Variants in HIVEP3 observed in about 807,000 individuals in gnomAD.
HIVEP3 encodes transcription factor HIVEP3.
In HIVEP3, 49 loss-of-function variants were observed where a neutral mutation model predicts 152.8. That is an observed-to-expected ratio of 0.32 (90% CI 0.26 to 0.41). The LOEUF is 0.41. Among genes scored for constraint, HIVEP3 ranks in the 10% least tolerant of loss-of-function variants. The pLI is 1.00. For synonymous variants in HIVEP3, 1,269 were observed against 1,289.0 expected, an observed-to-expected ratio of 0.98 and a Z score of 0.33; for missense variants, 2,790 against 3,103.3, an observed-to-expected ratio of 0.90 and a Z score of 2.40.
intron 4 of HIVEP3, 96 bp downstream of exon 4, chr1:41,579,641 A>T: frequency 7.1e-7 from 1 of 1,400,544 alleles, no homozygotes; most frequent in Non-Finnish European, 9.7e-7. Flanking sequence ...GTCTGGCTCT[A>T]GTTCTGCAAC....
chr1:42,031,228 C>T (rs1202252486), intron 1 of HIVEP3, among the ~76,000 whole-genome samples: 1 of 152,188 alleles, frequency 6.6e-6, no homozygotes, highest in South Asian at 2.1e-4. Context: ...CCTCCTACAA[C>T]GTCCTCTACT....
intron 1 of HIVEP3, among the ~76,000 whole-genome samples, chr1:41,970,141 AG>A (rs1645221035): frequency 6.6e-6 from 1 of 152,234 alleles, no homozygotes; most frequent in African/African-American, 2.4e-5. Context: ...GATTCCTCAA[AG>A]ATCTAGAACC....
intron 1 of HIVEP3, among the ~76,000 whole-genome samples, chr1:41,931,504 T>A (rs1226366464): frequency 6.6e-6 from 1 of 152,090 alleles, no homozygotes; most frequent in Non-Finnish European, 1.5e-5. Flanking sequence ...TATAACTTTG[T>A]AACAAGTCTC....
At chr1:41,903,272 A>G (rs1395563189) in intron 1 of HIVEP3, among the ~76,000 whole-genome samples, 3 of 152,234 alleles carry the variant, frequency 2.0e-5, no homozygotes, top group Non-Finnish European at 2.9e-5. Context: ...TGGAGGTCAC[A>G]TAGGATGATG....
At chr1:41,909,523 A>T (rs1644764472) in intron 1 of HIVEP3, among the ~76,000 whole-genome samples, 1 of 152,164 alleles carries the variant, frequency 6.6e-6, no homozygotes, top group African/African-American at 2.4e-5. Flanking sequence ...AAAATCTACG[A>T]TCATAGTGGG....
intron 2 of HIVEP3, among the ~76,000 whole-genome samples, chr1:41,686,683 T>C (rs1646120997): frequency 6.6e-6 from 1 of 152,150 alleles, no homozygotes; most frequent in African/African-American, 2.4e-5. Flanking sequence ...GTATCAAGCC[T>C]TCTGGGGGTG....
rs530891853 is a variant in HIVEP3 at position 41,709,462 on chromosome 1, C to G, written c.-800-8467G>C. On this transcript the variant is annotated intron_variant, in intron 1 of 8. Transcript: ENST00000372583. ...TGGTGGATCCAAGCAGGGCCATTCACGGGTGGGACAGAGGCAGCCTCCAGG... is the reference window on the plus strand; with the variant it reads ...TGGTGGATCCAAGCAGGGCCATTCAGGGGTGGGACAGAGGCAGCCTCCAGG... Among the ~76,000 whole-genome samples the G allele has an allele frequency of 4.6e-5, 7 of 152,200 alleles. No individual in the cohort carries two copies. The East Asian group carries it at 1.4e-3, about 29-fold the overall frequency.
At chr1:41,588,434 G>A (rs1558094664) in intron 3 of HIVEP3, among the ~76,000 whole-genome samples, 1 of 152,126 alleles carries the variant, frequency 6.6e-6, no homozygotes, top group African/African-American at 2.4e-5. Context: ...GCTTAGTCCT[G>A]CCTTCTCCCC....
In HIVEP3 at chr1:41,516,181, G is replaced by GGCGGCCCCTTCCTAGGGCCCTTGCAGGA. The variant is rs11270500; in HGVS notation, c.5470+2220_5470+2221insTCCTGCAAGGGCCCTAGGAAGGGGCCGC. 1.1e-4 allele frequency among the ~76,000 whole-genome samples: 17 copies of GGCGGCCCCTTCCTAGGGCCCTTGCAGGA among 151,654 alleles called. No individual in the cohort carries two copies. In the East Asian group the frequency reaches 2.9e-3, roughly 26 times the overall value. On this transcript the variant is annotated intron_variant, in intron 7 of 8. Transcript: ENST00000372583. Reference sequence around the variant, plus strand: ...GGCGCTGAGGGAATGCCCCTGGCTGGGCGGCCCCGCCCCTGCTGGGATCCA... The same window carrying GGCGGCCCCTTCCTAGGGCCCTTGCAGGA: ...GGCGCTGAGGGAATGCCCCTGGCTGGGCGGCCCCTTCCTAGGGCCCTTGCAGGAGCGGCCCCGCCCCTGCTGGGATCCA...
At chr1:42,003,374 A>C (rs1645439613) in intron 1 of HIVEP3, among the ~76,000 whole-genome samples, 1 of 152,232 alleles carries the variant, frequency 6.6e-6, no homozygotes, top group Non-Finnish European at 1.5e-5. Context: ...AACGTGCCCC[A>C]CCTAAAAAGC....
At chr1:41,951,351 G>A (rs546080562) in intron 1 of HIVEP3, among the ~76,000 whole-genome samples, 2 of 152,280 alleles carry the variant, frequency 1.3e-5, no homozygotes, top group South Asian at 4.1e-4. Flanking sequence ...AGATTAAAAC[G>A]AGACAAAATT....
At chr1:41,811,328 A>C (rs1481157851) in intron 1 of HIVEP3, among the ~76,000 whole-genome samples, 1 of 150,920 alleles carries the variant, frequency 6.6e-6, no homozygotes, top group Non-Finnish European at 1.5e-5. Flanking sequence ...TGCTCATAAG[A>C]AACTTCAGGA....
intron 1 of HIVEP3, among the ~76,000 whole-genome samples, chr1:41,988,864 A>T (rs1239213814): frequency 1.3e-5 from 2 of 152,224 alleles, no homozygotes; most frequent in Non-Finnish European, 2.9e-5. Flanking sequence ...TATATATTGG[A>T]TGAATGGAAT....
chr1:41,562,624 T>TCC (rs1558063085), intron 5 of HIVEP3, among the ~76,000 whole-genome samples: 104 of 109,934 alleles, frequency 9.5e-4, no homozygotes, highest in African/African-American at 3.5e-3. Flanking sequence ...TCTCTCTCTC[T>TCC]CTCTCTCTCC....
chr1:41,923,498 G>A (rs1008647670), upstream of HIVEP3, among the ~76,000 whole-genome samples: 1 of 152,092 alleles, frequency 6.6e-6, no homozygotes, highest in African/African-American at 2.4e-5. Flanking sequence ...GTGGCGGGGG[G>A]AAGGGAAAGG....
At chr1:41,846,810 G>C (rs1390916231) in intron 1 of HIVEP3, among the ~76,000 whole-genome samples, 1 of 152,226 alleles carries the variant, frequency 6.6e-6, no homozygotes, top group Non-Finnish European at 1.5e-5. Context: ...CCTTGCAACA[G>C]CGGCTCCTCC....
intron 2 of HIVEP3, among the ~76,000 whole-genome samples, chr1:41,655,926 T>G (rs1303792957): frequency 6.6e-6 from 1 of 152,210 alleles, no homozygotes. Flanking sequence ...CCTGGTAACT[T>G]GAAAACAACT....
chr1:41,698,460 A>C (rs182600724), intron 2 of HIVEP3, among the ~76,000 whole-genome samples: 1 of 152,320 alleles, frequency 6.6e-6, no homozygotes, highest in Admixed American at 6.5e-5. Flanking sequence ...GAGGTTGTCT[A>C]TCTGGCCTTA....
At chr1:41,512,421 C>G (rs1349764915) in intron 8 of HIVEP3, among the ~76,000 whole-genome samples, 6 of 152,202 alleles carry the variant, frequency 3.9e-5, no homozygotes, top group Non-Finnish European at 8.8e-5. Flanking sequence ...GAGGCCTCCC[C>G]AGAAGCCGAG....
Sources: gnomAD v4.1 joint callset for allele counts (sites outside exome capture counted in the v4.1 genomes callset) on GRCh38, gnomAD v4.1.1 for gene constraint, MANE v1.5 for transcripts, NCBI Gene and HGNC (gene_info 2026-07-23, HGNC 2026-07-21) for gene names.